The following VPS37A variants were observed in gnomAD, a reference collection of about 807,000 sequenced individuals.
VPS37A encodes the protein vacuolar protein sorting-associated protein 37A.
VPS37A carries 30 observed loss-of-function variants against 49.8 expected under a neutral mutation model. That is an observed-to-expected ratio of 0.60 (90% confidence interval 0.45 to 0.82). VPS37A has a LOEUF of 0.82. VPS37A is among the 40% of genes least tolerant of loss of function. VPS37A has a pLI of 0.00. For synonymous variants in VPS37A, 195 were observed against 160.6 expected (o/e 1.21, Z -1.62); for missense variants, 593 against 464.4 (o/e 1.28, Z -2.55).
the VPS37A span, among the ~76,000 whole-genome samples, chr8:17,325,142 C>T: frequency 1.2e-4 from 18 of 152,112 alleles, no homozygotes; most frequent in African/African-American, 4.3e-4. Context: ...CACAGCCTCT[C>T]CTCTCCAAGC....
intron 1 of VPS37A, among the ~76,000 whole-genome samples, chr8:17,256,494 T>A (rs1188644940): frequency 2.0e-5 from 3 of 151,756 alleles, no homozygotes; most frequent in African/African-American, 7.3e-5. Context: ...ACATTATTTG[T>A]TTTTCTGCTT....
chr8:17,269,004 A>G lies in VPS37A; in HGVS notation c.416+48A>G, dbSNP rs762091685. The G allele has an allele frequency of 7.0e-6, 9 of 1,281,132 alleles. 1 individual carries two copies. In the South Asian group the frequency reaches 9.4e-5, roughly 13 times the overall value. The allele number at this position is 1,281,132 out of a possible 1,614,324, so 79.4% of individuals were successfully genotyped here. On this transcript the variant is annotated intron_variant, in intron 4 of 11. Transcript: ENST00000324849. ...AAAAAGTCTGCCTGTATTTTAATGT[A>G]TTAATCAAAATATAGTTTAAAAATT...
the VPS37A span, chr8:17,311,812 C>A: frequency 1.1e-6 from 1 of 939,012 alleles, no homozygotes; most frequent in Non-Finnish European, 1.6e-6. Flanking sequence ...TGGCCTGGTG[C>A]TGGCAGCTAA....
chr8:17,294,287 G>A (rs1816415007), intron 11 of VPS37A, among the ~76,000 whole-genome samples: 1 of 152,128 alleles, frequency 6.6e-6, no homozygotes, highest in African/African-American at 2.4e-5. Context: ...CTCATTAATG[G>A]TGGACGCCCC....
the VPS37A span, among the ~76,000 whole-genome samples, chr8:17,308,417 T>A: frequency 1.3e-5 from 2 of 152,018 alleles, no homozygotes; most frequent in Non-Finnish European, 2.9e-5. Context: ...CTGGAAAAAA[T>A]TAGAAAAATA....
intron 11 of VPS37A, among the ~76,000 whole-genome samples, chr8:17,292,097 G>A (rs1816210824): frequency 6.6e-6 from 1 of 152,146 alleles, no homozygotes; most frequent in Non-Finnish European, 1.5e-5. Flanking sequence ...TATTGTGTGG[G>A]AGTCTAAGTC....
In VPS37A at chr8:17,247,388, TCCACCGGAGG is replaced by T; in HGVS notation, c.125+20_125+29del. ...ACTCCAGGTGACTGGTCGCTGCCTC[TCCACCGGAGG>T]AAAAAGTAGGGTGGGAGGGCGGGCT... is the stretch of plus-strand genomic sequence containing the variant. On this transcript the variant is annotated intron_variant, in intron 1 of 11. Transcript: ENST00000324849. The T allele has an allele frequency of 3.4e-6, 1 of 291,918 alleles. No homozygotes were observed. Among genetic ancestry groups the T allele is most frequent in the Non-Finnish European group, 6.4e-6 (1 of 156,094 alleles). The allele number at this position is 291,918 out of a possible 1,614,324, so 18.1% of individuals were successfully genotyped here. A position where few individuals can be genotyped will look rare whatever the true frequency, so the allele number is the denominator to read the frequency against.
chr8:17,316,502 A>G, the VPS37A span, among the ~76,000 whole-genome samples: 1 of 151,376 alleles, frequency 6.6e-6, no homozygotes, highest in South Asian at 2.1e-4. Context: ...CTCCTTGTGG[A>G]AAGTCTCCCT....
At chr8:17,323,477 C>T in the VPS37A span, among the ~76,000 whole-genome samples, 1 of 152,006 alleles carries the variant, frequency 6.6e-6, no homozygotes, top group Non-Finnish European at 1.5e-5. Flanking sequence ...AAGCAAATGG[C>T]ACAAGAGAAG....
chr8:17,284,300 A>G (rs577045837), intron 9 of VPS37A, among the ~76,000 whole-genome samples, 173 bp from the exon 10 acceptor site: 1 of 152,350 alleles, frequency 6.6e-6, no homozygotes, highest in Non-Finnish European at 1.5e-5. Context: ...GTCTACCCCT[A>G]TCCAAAAGCT....
intron 1 of VPS37A, among the ~76,000 whole-genome samples, chr8:17,265,254 C>G (rs375908364): frequency 6.6e-6 from 1 of 152,162 alleles, no homozygotes. Flanking sequence ...TATCAGTTGT[C>G]TATTATTTTG....
chr8:17,318,264 C>T, the VPS37A span, among the ~76,000 whole-genome samples: 1 of 152,096 alleles, frequency 6.6e-6, no homozygotes, highest in Non-Finnish European at 1.5e-5. Context: ...CTGGGAATCT[C>T]ACAGACACCC....
At chr8:17,317,859 T>C in the VPS37A span, among the ~76,000 whole-genome samples, 1 of 152,212 alleles carries the variant, frequency 6.6e-6, no homozygotes, top group Non-Finnish European at 1.5e-5. Flanking sequence ...AGCTTTTATA[T>C]TTTTGTTTCC....
chr8:17,308,542 C>G, the VPS37A span, among the ~76,000 whole-genome samples: 1 of 152,166 alleles, frequency 6.6e-6, no homozygotes, highest in Non-Finnish European at 1.5e-5. Context: ...AGTAAAACTT[C>G]TGAAAATATA....
At chr8:17,267,510 G>T (rs951842836) in intron 2 of VPS37A, among the ~76,000 whole-genome samples, 4 of 151,886 alleles carry the variant, frequency 2.6e-5, no homozygotes, top group African/African-American at 9.7e-5. Context: ...TTCTTTACGT[G>T]AAACCATGTG....
chr8:17,332,340 CAAAATT>C, the VPS37A span, among the ~76,000 whole-genome samples: 54 of 152,076 alleles, frequency 3.6e-4, 1 homozygote, highest in Non-Finnish European at 8.8e-5. Context: ...AAAAGTCTGA[CAAAATT>C]AAAAGTACCA....
chr8:17,296,634 A>G lies in VPS37A; in HGVS notation c.*1648A>G, dbSNP rs1463815197. 1 of 152,106 alleles carries G rather than the reference A, an allele frequency of 6.6e-6. No individual in the cohort carries two copies. Among genetic ancestry groups the G allele is most frequent in the Non-Finnish European group, 1.5e-5 (1 of 68,008 alleles). The allele number at this position is 152,106 out of a possible 1,614,324, so 9.4% of individuals were successfully genotyped here. A position where few individuals can be genotyped will look rare whatever the true frequency, so the allele number is the denominator to read the frequency against. On this transcript the variant is annotated 3_prime_UTR_variant, in exon 12 of 12. Coordinates refer to ENST00000324849, the MANE Select transcript of VPS37A (RefSeq NM_152415.3). ...CTCATTTGATTAATTCATTTGATCTATCTATGTTATTAAGTACCTACTAGG... is the reference window on the plus strand; with the variant it reads ...CTCATTTGATTAATTCATTTGATCTGTCTATGTTATTAAGTACCTACTAGG...
At chr8:17,312,326 G>A in the VPS37A span, among the ~76,000 whole-genome samples, 55 of 152,272 alleles carry the variant, frequency 3.6e-4, no homozygotes, top group African/African-American at 1.3e-3. Context: ...TGTAATCCCA[G>A]CACTTTGGGA....
downstream of VPS37A, chr8:17,304,505 G>A: frequency 1.2e-6 from 2 of 1,613,322 alleles, no homozygotes; most frequent in Non-Finnish European, 1.7e-6. Context: ...TAATGAGTAT[G>A]TTCTTTCTTG....
Sources: allele counts gnomAD v4.1 joint callset (sites outside exome capture counted in the v4.1 genomes callset), GRCh38; gene constraint gnomAD v4.1.1; transcripts MANE v1.5; gene names NCBI Gene and HGNC (gene_info 2026-07-23, HGNC 2026-07-21).